MACC1: variants seen among roughly 807,000 people sequenced by gnomAD.
MACC1 encodes MET transcriptional regulator MACC1.
Under a neutral mutation model 70.7 loss-of-function variants are expected in MACC1, and 79 were observed. The ratio of observed to expected loss-of-function variants is 1.12; its 90% CI spans 0.93 to 1.35. MACC1 has a LOEUF of 1.35. Among genes scored for constraint, MACC1 ranks in the 40% most tolerant of loss-of-function variants. MACC1 has a pLI of 0.00. For missense variants in MACC1, 1,106 were observed against 978.1 expected (o/e 1.13, Z -1.74); for synonymous variants, 361 against 347.2 (o/e 1.04, Z -0.44).
intron 1 of MACC1, among the ~76,000 whole-genome samples, chr7:20,178,430 T>C (rs909622791): frequency 6.6e-6 from 1 of 152,204 alleles, no homozygotes; most frequent in Non-Finnish European, 1.5e-5. Flanking sequence ...TTTGAAGACA[T>C]TATTTCATTA....
intron 6 of MACC1, among the ~76,000 whole-genome samples, chr7:20,143,841 A>G (rs1004317156): frequency 2.0e-5 from 3 of 152,156 alleles, no homozygotes; most frequent in African/African-American, 7.2e-5. Context: ...CTGAAATGCA[A>G]GGGGGAATAT....
At chr7:20,205,657 G>A (rs1782900675) in intron 1 of MACC1, among the ~76,000 whole-genome samples, 1 of 152,122 alleles carries the variant, frequency 6.6e-6, no homozygotes, top group African/African-American at 2.4e-5. Flanking sequence ...GGCTCCTCCT[G>A]TGATATCTGT....
At chr7:20,208,313 G>T (rs1240270977) in intron 1 of MACC1, among the ~76,000 whole-genome samples, 1 of 152,298 alleles carries the variant, frequency 6.6e-6, no homozygotes, top group East Asian at 1.9e-4. Context: ...AGTTTTGAGG[G>T]CTCAGAGGAA....
At chr7:20,208,861 C>T (rs1782953375) in intron 1 of MACC1, among the ~76,000 whole-genome samples, 1 of 152,204 alleles carries the variant, frequency 6.6e-6, no homozygotes, top group Admixed American at 6.5e-5. Context: ...CCCCACTGCT[C>T]TATGCAACTT....
At chr7:20,166,274 T>A (rs1281225243) in intron 2 of MACC1, among the ~76,000 whole-genome samples, 1 of 152,236 alleles carries the variant, frequency 6.6e-6, no homozygotes, top group Non-Finnish European at 1.5e-5. Context: ...ACTGTTGGAC[T>A]AGTAGACTTT....
intron 1 of MACC1, among the ~76,000 whole-genome samples, chr7:20,203,568 T>C (rs1213361767): frequency 6.6e-6 from 1 of 152,184 alleles, no homozygotes; most frequent in African/African-American, 2.4e-5. Context: ...CACCAAGCTT[T>C]CCTGGAATGT....
At chr7:20,161,332 G>A (rs1341656088) in intron 4 of MACC1, among the ~76,000 whole-genome samples, 2 of 151,788 alleles carry the variant, frequency 1.3e-5, no homozygotes, top group Admixed American at 6.6e-5. Flanking sequence ...ATTAGAAGAC[G>A]GATTTTGAAA....
chr7:20,206,194 C>CTTGTCTCCCACATTA (rs1217423765), intron 1 of MACC1, among the ~76,000 whole-genome samples: 2 of 151,832 alleles, frequency 1.3e-5, no homozygotes, highest in Non-Finnish European at 2.9e-5. Context: ...CTTCACCACA[C>CTTGTCTCCCACATTA]TTGTCTCCCA....
chr7:20,140,824 C>CAT lies in MACC1; in HGVS notation c.*121_*122insAT. ...TCCTACACACACACACACACACACACAGACACACACACACAGACACACACA... is the reference window on the plus strand; with the variant it reads ...TCCTACACACACACACACACACACACATAGACACACACACACAGACACACACA... On this transcript the variant is annotated 3_prime_UTR_variant, in exon 7 of 7. Transcript: ENST00000400331. 1.8e-6 allele frequency: 1 copy of CAT among 563,364 alleles called. No individual in the cohort carries two copies. The highest frequency in any genetic ancestry group is 3.0e-5 in the East Asian group (1 of 33,480). The allele number at this position is 563,364 out of a possible 1,614,324, so 34.9% of individuals were successfully genotyped here.
chr7:20,167,323 G>C (rs1317983774), intron 2 of MACC1, among the ~76,000 whole-genome samples: 2 of 151,952 alleles, frequency 1.3e-5, no homozygotes, highest in East Asian at 3.9e-4. Flanking sequence ...AGCCTCCTGA[G>C]TAGCCAGGAC....
At chr7:20,149,225 T>A (rs892690020) in intron 6 of MACC1, among the ~76,000 whole-genome samples, 2 of 152,296 alleles carry the variant, frequency 1.3e-5, no homozygotes, top group East Asian at 3.9e-4. Context: ...TTGAAATAAC[T>A]GCTAACTTTT....
intron 1 of MACC1, among the ~76,000 whole-genome samples, chr7:20,205,551 G>T (rs780371878): frequency 3.3e-5 from 5 of 151,948 alleles, no homozygotes; most frequent in African/African-American, 4.8e-5. Context: ...GTTTCTTACA[G>T]CTCACCTAGT....
rs1220259678 is a variant in MACC1 at position 20,137,970 on chromosome 7, TG to T, written c.*2975del. On this transcript the variant is annotated 3_prime_UTR_variant, in exon 7 of 7. Transcript: ENST00000400331. ...GAGTTCCAGACCAGTCTGGCCAAAATGGTAAAACCTTGTCTCCACTAAAAAT... is the reference window on the plus strand; with the variant it reads ...GAGTTCCAGACCAGTCTGGCCAAAATGTAAAACCTTGTCTCCACTAAAAAT... 1.3e-5 allele frequency: 2 copies of T among 151,820 alleles called. No individual in the cohort carries two copies. Among genetic ancestry groups the T allele is most frequent in the East Asian group, 3.9e-4 (2 of 5,150 alleles). The allele number at this position is 151,820 out of a possible 1,614,324, so 9.4% of individuals were successfully genotyped here.
At chr7:20,180,931 A>G (rs541231936) in intron 1 of MACC1, among the ~76,000 whole-genome samples, 1 of 152,296 alleles carries the variant, frequency 6.6e-6, no homozygotes, top group South Asian at 2.1e-4. Context: ...TGAAATATGT[A>G]TAGAAATAAA....
chr7:20,140,816 C>A lies in MACC1; in HGVS notation c.*130G>T. On this transcript the variant is annotated 3_prime_UTR_variant, in exon 7 of 7. Coordinates refer to ENST00000400331, the MANE Select transcript of MACC1 (RefSeq NM_182762.4). ...TCTTTCTTTCCTACACACACACACA[C>A]ACACACACAGACACACACACACAGA... The A allele has an allele frequency of 1.8e-6, 1 of 561,458 alleles. No homozygotes were observed. 34.8% of individuals were successfully genotyped at this position (561,458 alleles called of 1,614,324 possible).
intron 1 of MACC1, among the ~76,000 whole-genome samples, chr7:20,195,400 T>A (rs1782735726): frequency 1.3e-5 from 2 of 152,192 alleles, no homozygotes; most frequent in African/African-American, 4.8e-5. Flanking sequence ...CAGAGACAGC[T>A]ACTTCAAAGG....
chr7:20,216,045 A>G (rs1390524058), intron 1 of MACC1, among the ~76,000 whole-genome samples: 3 of 152,204 alleles, frequency 2.0e-5, no homozygotes, highest in Admixed American at 6.5e-5. Flanking sequence ...AATCGCTATT[A>G]TGAATAAAAG....
chr7:20,160,379 G>A (rs1782124527), intron 4 of MACC1, 134 bp from the exon 5 acceptor site: 2 of 1,030,508 alleles, frequency 1.9e-6, no homozygotes, highest in African/African-American at 3.3e-5. Flanking sequence ...TAGTCTACTA[G>A]CTAACATAAA....
intron 1 of MACC1, among the ~76,000 whole-genome samples, chr7:20,175,990 A>C (rs1782387257): frequency 6.6e-6 from 1 of 152,108 alleles, no homozygotes; most frequent in African/African-American, 2.4e-5. Context: ...CCTCTTCGAT[A>C]TCCTTCAGTA....
Sources: gnomAD v4.1 joint callset for allele counts (sites outside exome capture counted in the v4.1 genomes callset) on GRCh38, gnomAD v4.1.1 for gene constraint, MANE v1.5 for transcripts, NCBI Gene and HGNC (gene_info 2026-07-23, HGNC 2026-07-21) for gene names.